Variants in TPM2 observed in about 807,000 individuals in gnomAD.
TPM2 encodes tropomyosin 2, also known as tropomyosin beta chain.
In TPM2, 26 loss-of-function variants were observed where a neutral mutation model predicts 41.0. The ratio of observed to expected loss-of-function variants is 0.63; its 90% CI spans 0.46 to 0.88. The LOEUF is 0.88. TPM2 is among the 40% of genes least tolerant of loss of function. The pLI is 0.00. For missense variants in TPM2, 187 were observed against 355.2 expected, an observed-to-expected ratio of 0.53 and a Z score of 3.81; for synonymous variants, 143 against 139.3, an observed-to-expected ratio of 1.03 and a Z score of -0.19.
rs1374322376 is a variant in TPM2 at position 35,684,826 on chromosome 9, G to C, written c.564-19C>G. 2.6e-5 allele frequency: 38 copies of C among 1,473,904 alleles called. No individual in the cohort carries two copies. The highest frequency in any genetic ancestry group is 3.4e-5 in the Non-Finnish European group (38 of 1,113,064). 91.3% of individuals were successfully genotyped at this position (1,473,904 alleles called of 1,614,324 possible). A position where few individuals can be genotyped will look rare whatever the true frequency, so the allele number is the denominator to read the frequency against. On this transcript the variant is annotated intron_variant, in intron 5 of 8. Coordinates refer to ENST00000645482, the MANE Select transcript of TPM2 (RefSeq NM_003289.4). ...ACATTTACTGCAGGGGGTGTGTGGC[G>C]GGGGGGGCAGGGTGTGAGGGCACAG... is the stretch of plus-strand genomic sequence containing the variant.
At chr9:35,682,341 A>G, downstream of TPM2, 3 of 953,050 alleles carry the variant, frequency 3.1e-6, no homozygotes, top group Non-Finnish European at 4.8e-6. Context: ...TGAGGGGAAC[A>G]GGACGGACGT....
chr9:35,682,250 C>G, downstream of TPM2: 1 of 1,411,542 alleles, frequency 7.1e-7, no homozygotes, highest in Non-Finnish European at 9.9e-7. Flanking sequence ...GACATATAGA[C>G]ATGGAGTGGG....
chr9:35,684,200 T>A, intron 8 of TPM2, 46 bp downstream of exon 8: 1 of 1,585,730 alleles, frequency 6.3e-7, no homozygotes, highest in African/African-American at 1.3e-5. Flanking sequence ...CAGGACAGAC[T>A]GATAATCACG....
chr9:35,684,827 G>GA lies in TPM2; in HGVS notation c.564-21_564-20insT, dbSNP rs750511595. On this transcript the variant is annotated intron_variant, in intron 5 of 8. Transcript: ENST00000645482. ...CATTTACTGCAGGGGGTGTGTGGCG[G>GA]GGGGGGCAGGGTGTGAGGGCACAGC... 3.7e-6 allele frequency: 6 copies of GA among 1,613,394 alleles called. No homozygotes were observed. Among genetic ancestry groups the GA allele is most frequent in the South Asian group, 3.3e-5 (3 of 91,056 alleles).
intron 2 of TPM2, among the ~76,000 whole-genome samples, chr9:35,688,940 G>T (rs559085739): frequency 3.4e-4 from 51 of 152,170 alleles, no homozygotes; most frequent in Non-Finnish European, 6.6e-4. Context: ...AGTCCTCTGG[G>T]GGAAGTGGTA....
chr9:35,683,648 G>A (rs1479796832), intron 8 of TPM2, among the ~76,000 whole-genome samples: 2 of 152,210 alleles, frequency 1.3e-5, no homozygotes, highest in African/African-American at 4.8e-5. Flanking sequence ...GAAAGTGAAA[G>A]GGTTATCACA....
At chr9:35,689,564 G>C (rs1825133472) in intron 1 of TPM2, 140 bp downstream of exon 1, 1 of 1,487,240 alleles carries the variant, frequency 6.7e-7, no homozygotes, top group Admixed American at 1.9e-5. Flanking sequence ...CGAAGGCCCT[G>C]AGGGTACTGC....
chr9:35,689,472 C>G, intron 1 of TPM2: 1 of 890,186 alleles, frequency 1.1e-6, no homozygotes, highest in Non-Finnish European at 1.3e-6. Context: ...GGAGCAGGAC[C>G]AACCGCGCTC....
intron 6 of TPM2, 44 bp from the exon 7 acceptor site, chr9:35,684,594 A>G: frequency 6.2e-7 from 1 of 1,613,586 alleles, no homozygotes. Context: ...GCTACCACAG[A>G]TCCTTCATTT....
Position 35,685,620 on chromosome 9 carries a change from A to T in TPM2, c.374+27T>A. ...AGACAGGCTCCCTTCTCCCTCCCGG[A>T]CCATCCTCCCCGAGGCCCCTGACCA... On this transcript the variant is annotated intron_variant, in intron 3 of 8. Coordinates refer to ENST00000645482, the MANE Select transcript of TPM2 (RefSeq NM_003289.4). The surrounding 1 kb of genome is among the most constrained non-coding windows in gnomAD (Gnocchi z 5.0). 6.2e-7 allele frequency: 1 copy of T among 1,613,998 alleles called. No individual in the cohort carries two copies. Among genetic ancestry groups the T allele is most frequent in the Non-Finnish European group, 8.5e-7 (1 of 1,179,984 alleles).
In TPM2 at chr9:35,685,200, T is replaced by A; in HGVS notation, c.563+69A>T. ...TGTCCCTACAGCCCCAAGCCTAGGA[T>A]GCTACCTTCCCACTGTGTGGAAGGC... On this transcript the variant is annotated intron_variant, in intron 5 of 8. Coordinates refer to ENST00000645482, the MANE Select transcript of TPM2 (RefSeq NM_003289.4). This position sits in a 1 kb window ranked among gnomAD's most constrained non-coding sequence, Gnocchi z 5.0. The A allele has an allele frequency of 6.2e-7, 1 of 1,614,138 alleles. No individual in the cohort carries two copies. Among genetic ancestry groups the A allele is most frequent in the Non-Finnish European group, 8.5e-7 (1 of 1,180,006 alleles).
In TPM2 at chr9:35,685,185, G is replaced by A. The variant is rs779311359; in HGVS notation, c.563+84C>T. ...TCAGAGAACAGGGCCTGTCCCTACA[G>A]CCCCAAGCCTAGGATGCTACCTTCC... On this transcript the variant is annotated intron_variant, in intron 5 of 8. Transcript: ENST00000645482. This position sits in a 1 kb window ranked among gnomAD's most constrained non-coding sequence, Gnocchi z 5.0. 4 of 1,614,010 alleles carry A rather than the reference G, an allele frequency of 2.5e-6. No individual in the cohort carries two copies. In the African/African-American group the frequency reaches 5.3e-5, roughly 22 times the overall value.
Position 35,685,100 on chromosome 9 carries a change from G to A in TPM2, c.563+169C>T. 2.5e-6 allele frequency: 4 copies of A among 1,614,180 alleles called. No homozygotes were observed. The highest frequency in any genetic ancestry group is 3.4e-6 in the Non-Finnish European group (4 of 1,180,038). ...AGGCCATCAGGGACTTGAGGGCCTG[G>A]TCCATGGTTCGAAGTTCCTCCTCCA... On this transcript the variant is annotated intron_variant, in intron 5 of 8. Transcript: ENST00000645482. The surrounding 1 kb of genome is among the most constrained non-coding windows in gnomAD (Gnocchi z 5.0).
At chr9:35,682,841 G>T, downstream of TPM2, 1 of 1,415,808 alleles carries the variant, frequency 7.1e-7, no homozygotes, top group Non-Finnish European at 9.4e-7. Context: ...GGGGCTGGGG[G>T]TGTCAGTAAG....
At position 35,683,123 on chromosome 9, in the gene TPM2, G is replaced by C; in HGVS notation, c.*36C>G. 1 of 1,551,964 alleles carries C rather than the reference G, an allele frequency of 6.4e-7. No individual in the cohort carries two copies. Among genetic ancestry groups the C allele is most frequent in the East Asian group, 2.4e-5 (1 of 40,918 alleles). On this transcript the variant is annotated 3_prime_UTR_variant, in exon 9 of 9. Coordinates refer to ENST00000645482, the MANE Select transcript of TPM2 (RefSeq NM_003289.4). ...CATAGAGAGAATGGAAAGGAGAGGA[G>C]AGAAGAGAGCTGAGGTGGCCACGCT...
chr9:35,688,361 GGAA>G (rs1825059305), intron 2 of TPM2, among the ~76,000 whole-genome samples: 2 of 152,228 alleles, frequency 1.3e-5, no homozygotes, highest in African/African-American at 4.8e-5. Context: ...CTGGGTGGAA[GGAA>G]GATGGGGAAA....
At position 35,685,012 on chromosome 9, in the gene TPM2, G is replaced by A. The variant is rs180734334; in HGVS notation, c.564-205C>T. On this transcript the variant is annotated intron_variant, in intron 5 of 8. Coordinates refer to ENST00000645482, the MANE Select transcript of TPM2 (RefSeq NM_003289.4). The surrounding 1 kb of genome is among the most constrained non-coding windows in gnomAD (Gnocchi z 5.0). Reference sequence around the variant, plus strand: ...GCCTGCGGTGCTGAGACGGAGGGAAGGTGAGCTGAGAGAAGGCGCCATTGC... The same window carrying A: ...GCCTGCGGTGCTGAGACGGAGGGAAAGTGAGCTGAGAGAAGGCGCCATTGC... The A allele has an allele frequency of 2.0e-4, 329 of 1,614,144 alleles. No individual in the cohort carries two copies. The African/African-American group carries it at 3.7e-3, about 18-fold the overall frequency.
At chr9:35,684,638 G>A (rs1824767315) in intron 6 of TPM2, 88 bp from the exon 7 acceptor site, 24 of 1,612,874 alleles carry the variant, frequency 1.5e-5, no homozygotes, top group Non-Finnish European at 2.0e-5. Context: ...TGGTCATCTT[G>A]CCTCCGTTGA....
chr9:35,684,552 T>G lies in TPM2; in HGVS notation c.640-2A>C. ...ATATTTATCTTCTTTGGTGGAATAC[T>G]TTTGGGGACACACACACGCCATCAG... On this transcript the variant is annotated splice_acceptor_variant, in intron 6 of 8. Coordinates refer to ENST00000645482, the MANE Select transcript of TPM2 (RefSeq NM_003289.4). LOFTEE classifies it high-confidence loss of function. 1.9e-6 allele frequency: 3 copies of G among 1,614,164 alleles called. No individual in the cohort carries two copies. Among genetic ancestry groups the G allele is most frequent in the Non-Finnish European group, 2.5e-6 (3 of 1,180,028 alleles).
Sources: allele counts gnomAD v4.1 joint callset (sites outside exome capture counted in the v4.1 genomes callset), GRCh38; gene constraint gnomAD v4.1.1; non-coding constraint Gnocchi (gnomAD v3.1); transcripts MANE v1.5; gene names NCBI Gene and HGNC (gene_info 2026-07-23, HGNC 2026-07-21).